Variants in MED13L observed in about 807,000 individuals in gnomAD.
MED13L encodes the protein mediator of RNA polymerase II transcription subunit 13-like.
A neutral mutation model predicts 220.9 loss-of-function variants in MED13L; 7 were observed. That is an observed-to-expected ratio of 0.03 (90% CI 0.02 to 0.06). MED13L has a LOEUF of 0.06. MED13L is among the 10% of genes least tolerant of loss of function. The pLI is 1.00. For missense variants in MED13L, 1,965 were observed against 2,760.5 expected (o/e 0.71, Z 6.46); for synonymous variants, 1,011 against 1,015.2 (o/e 1.00, Z 0.08).
chr12:116,255,240 G>C (rs12820335), intron 1 of MED13L, among the ~76,000 whole-genome samples: 63,732 of 151,994 alleles, frequency 0.42, 13,618 homozygotes, highest in South Asian at 0.48. Context: ...TGCACACATA[G>C]AGTCCATTAA....
chr12:115,982,730 A>C (rs761315755), intron 21 of MED13L, 127 bp from the exon 22 acceptor site: 87 of 915,524 alleles, frequency 9.5e-5, no homozygotes, highest in Non-Finnish European at 1.4e-4. Context: ...AGGTAAGAGT[A>C]ACATTTATCA....
chr12:116,142,683 A>G (rs766371937), intron 2 of MED13L, among the ~76,000 whole-genome samples: 2 of 152,114 alleles, frequency 1.3e-5, no homozygotes, highest in Admixed American at 6.5e-5. Flanking sequence ...AGTGAGGCCC[A>G]GTCTCCAAAA....
intron 25 of MED13L, 195 bp from the exon 26 acceptor site, chr12:115,972,431 C>A: frequency 1.6e-6 from 1 of 641,670 alleles, no homozygotes; most frequent in South Asian, 1.7e-5. Context: ...AACAAAGGAA[C>A]AAAGGCCTAC....
chr12:116,073,455 A>G (rs1024582471), intron 4 of MED13L, among the ~76,000 whole-genome samples: 29 of 152,194 alleles, frequency 1.9e-4, no homozygotes, highest in Non-Finnish European at 3.7e-4. Flanking sequence ...CTATTCTCTC[A>G]TTCAATCGTT....
At chr12:116,155,295 C>T (rs1245339703) in intron 2 of MED13L, among the ~76,000 whole-genome samples, 3 of 152,082 alleles carry the variant, frequency 2.0e-5, no homozygotes, top group African/African-American at 7.2e-5. Context: ...GGGTGGTACA[C>T]ACCCAAAGTC....
intron 4 of MED13L, among the ~76,000 whole-genome samples, chr12:116,074,647 C>A (rs1040218996): frequency 1.3e-5 from 2 of 152,186 alleles, no homozygotes; most frequent in South Asian, 4.1e-4. Flanking sequence ...GGCAAACCTT[C>A]AAGAGGCAGA....
chr12:116,207,114 A>G (rs1210118444), intron 2 of MED13L, among the ~76,000 whole-genome samples: 2 of 151,902 alleles, frequency 1.3e-5, no homozygotes, highest in Non-Finnish European at 2.9e-5. Flanking sequence ...CACACAGATG[A>G]TGGTGGTCCC....
At chr12:116,220,317 G>A (rs1257608168) in intron 2 of MED13L, among the ~76,000 whole-genome samples, 4 of 152,090 alleles carry the variant, frequency 2.6e-5, no homozygotes, top group African/African-American at 9.7e-5. Context: ...TCCTACTCGA[G>A]ATTTCCAAGA....
At chr12:116,177,772 A>C (rs1357166690) in intron 2 of MED13L, among the ~76,000 whole-genome samples, 1 of 152,228 alleles carries the variant, frequency 6.6e-6, no homozygotes, top group Non-Finnish European at 1.5e-5. Context: ...TGTCATACTC[A>C]GAAAAAAGTC....
intron 13 of MED13L, among the ~76,000 whole-genome samples, chr12:116,003,643 ACAAAC>A (rs1215752424): frequency 4.6e-5 from 7 of 152,242 alleles, no homozygotes; most frequent in Admixed American, 4.6e-4. Flanking sequence ...TTATTCAAAA[ACAAAC>A]CAAGTGCATT....
rs558355726 is a variant in MED13L, at chr12:115,970,870, C to T, written c.5891-100G>A. The T allele has an allele frequency of 1.9e-3, 2,171 of 1,144,970 alleles. 4 individuals are homozygous for T. Among genetic ancestry groups the T allele is most frequent in the Middle Eastern group, 2.5e-3 (9 of 3,618 alleles). The allele number at this position is 1,144,970 out of a possible 1,614,324, so 70.9% of individuals were successfully genotyped here. A position where few individuals can be genotyped will look rare whatever the true frequency, so the allele number is the denominator to read the frequency against. ...GAGTGGTATGAGTCTGATGAAAATGCCATGATAAATACACATTCAAAATTG... is the reference window on the plus strand; with the variant it reads ...GAGTGGTATGAGTCTGATGAAAATGTCATGATAAATACACATTCAAAATTG... On this transcript the variant is annotated intron_variant, in intron 26 of 30. Transcript: ENST00000281928.
chr12:116,146,423 TTTG>T (rs1438147086), intron 2 of MED13L, among the ~76,000 whole-genome samples: 2 of 150,510 alleles, frequency 1.3e-5, no homozygotes, highest in Non-Finnish European at 3.0e-5. Flanking sequence ...CCCAGCTGAG[TTTG>T]TTTTTTGTTT....
rs75575870 is a variant in MED13L at position 115,984,189 on chromosome 12, G to A, written c.4522C>T (p.His1508Tyr). ...ATAAATTCCCATTTACCTAGGTGAT[G>A]GCGGCAAACTTGCGCATAAAGTTTG... ...RLKLYAQVCR[H>Y]HLAPYLATLQ... Residue 1508 changes from histidine (H) to tyrosine (Y), a missense_variant, in exon 20 of 31, where the codon CAT (histidine) becomes TAT (tyrosine). Coordinates refer to ENST00000281928, the MANE Select transcript of MED13L (RefSeq NM_015335.5). 355 of 1,613,704 alleles carry A rather than the reference G, an allele frequency of 2.2e-4. 1 individual carries two copies. In the African/African-American group the frequency reaches 4.4e-3, roughly 20 times the overall value.
chr12:116,037,398 T>C (rs1360344325), intron 4 of MED13L, among the ~76,000 whole-genome samples: 3 of 152,234 alleles, frequency 2.0e-5, no homozygotes, highest in Admixed American at 2.0e-4. Context: ...ACAAGGTATA[T>C]ATGAAACAAA....
intron 4 of MED13L, among the ~76,000 whole-genome samples, chr12:116,078,654 C>A (rs1241353912): frequency 6.6e-6 from 1 of 152,166 alleles, no homozygotes; most frequent in East Asian, 1.9e-4. Flanking sequence ...TCATCTATGG[C>A]TGCTTTCTCA....
intron 2 of MED13L, among the ~76,000 whole-genome samples, chr12:116,168,137 G>C (rs1308626506): frequency 6.6e-6 from 1 of 151,840 alleles, no homozygotes; most frequent in African/African-American, 2.4e-5. Flanking sequence ...TAGACTACCA[G>C]AAGTATGAAA....
chr12:115,993,858 G>A (rs1878230221), intron 16 of MED13L, among the ~76,000 whole-genome samples: 1 of 152,162 alleles, frequency 6.6e-6, no homozygotes, highest in Non-Finnish European at 1.5e-5. Context: ...AGTCAAAAGT[G>A]AAAAAGAGAA....
intron 2 of MED13L, among the ~76,000 whole-genome samples, chr12:116,131,050 G>C (rs1042257834): frequency 6.6e-6 from 1 of 152,132 alleles, no homozygotes; most frequent in African/African-American, 2.4e-5. Context: ...AGTATACATT[G>C]TGGGCTTGGT....
intron 2 of MED13L, among the ~76,000 whole-genome samples, chr12:116,154,084 A>C (rs1006492412): frequency 6.6e-6 from 1 of 152,240 alleles, no homozygotes; most frequent in African/African-American, 2.4e-5. Context: ...TGAATTTTCT[A>C]TGAGTGAAAT....
Sources: allele counts gnomAD v4.1 joint callset (sites outside exome capture counted in the v4.1 genomes callset), GRCh38; gene constraint gnomAD v4.1.1; transcripts MANE v1.5; gene names NCBI Gene and HGNC (gene_info 2026-07-23, HGNC 2026-07-21).